FANCL: variants seen among roughly 807,000 people sequenced by gnomAD.
The protein encoded by FANCL is FA complementation group L.
A neutral mutation model predicts 59.4 loss-of-function variants in FANCL; 69 were observed. That is an observed-to-expected ratio of 1.16 (90% CI 0.96 to 1.42). The LOEUF is 1.42. Ranked by LOEUF, FANCL falls within the 40% of genes most tolerant of loss-of-function variation. The pLI, the probability that FANCL is intolerant of heterozygous loss-of-function variation, is 0.00. For synonymous variants in FANCL, 180 were observed against 147.1 expected (o/e 1.22, Z -1.62); for missense variants, 519 against 447.2 (o/e 1.16, Z -1.45).
intron 7 of FANCL, among the ~76,000 whole-genome samples, chr2:58,176,736 TA>T (rs762156045): frequency 6.6e-6 from 1 of 152,122 alleles, no homozygotes; most frequent in South Asian, 2.1e-4. Flanking sequence ...ACTTCATGTC[TA>T]AAACACCAAA....
At chr2:58,222,090 G>GA (rs751396703) in intron 4 of FANCL, 48 bp from the exon 5 acceptor site, 1 of 1,320,780 alleles carries the variant, frequency 7.6e-7, no homozygotes, top group South Asian at 1.2e-5. Flanking sequence ...GCAAGACAAT[G>GA]AACTGTTAAT....
At chr2:58,173,952 C>G (rs1400349557) in intron 7 of FANCL, among the ~76,000 whole-genome samples, 2 of 151,762 alleles carry the variant, frequency 1.3e-5, no homozygotes, top group African/African-American at 4.8e-5. Flanking sequence ...ATCTACCAAG[C>G]AAATGGAAAA....
chr2:58,171,558 C>T (rs960955460), intron 7 of FANCL, among the ~76,000 whole-genome samples: 8 of 152,078 alleles, frequency 5.3e-5, no homozygotes, highest in African/African-American at 1.9e-4. Context: ...ACACGAAAAA[C>T]CCTTCAAAAA....
intron 1 of FANCL, among the ~76,000 whole-genome samples, chr2:58,235,740 CAATT>C (rs988479851): frequency 4.6e-5 from 7 of 151,692 alleles, no homozygotes; most frequent in African/African-American, 1.7e-4. Context: ...AAAATTAAAA[CAATT>C]AAATTTCATA....
chr2:58,222,811 T>C (rs1231625853), intron 4 of FANCL, among the ~76,000 whole-genome samples: 1 of 152,044 alleles, frequency 6.6e-6, no homozygotes, highest in Non-Finnish European at 1.5e-5. Flanking sequence ...TAGATGTTCA[T>C]ATGGTCTGAA....
chr2:58,239,064 G>C (rs1281208917), intron 1 of FANCL, among the ~76,000 whole-genome samples: 1 of 152,086 alleles, frequency 6.6e-6, no homozygotes, highest in Non-Finnish European at 1.5e-5. Context: ...ATAATGAATT[G>C]CCACTTCATA....
At position 58,159,663 on chromosome 2, in the gene FANCL, G is replaced by A. The variant is rs560604367; in HGVS notation, c.*102C>T. The A allele has an allele frequency of 1.9e-6, 3 of 1,613,162 alleles. No individual in the cohort carries two copies. The highest frequency in any genetic ancestry group is 1.1e-5 in the South Asian group (1 of 90,948). On this transcript the variant is annotated 3_prime_UTR_variant, in exon 14 of 14. Coordinates refer to ENST00000233741, the MANE Select transcript of FANCL (RefSeq NM_018062.4). Reference sequence around the variant, plus strand: ...GCATCATCATACCTGTCCTTTTGATGTTAGTATTTCTTGCTTTATTTTTTC... The same window carrying A: ...GCATCATCATACCTGTCCTTTTGATATTAGTATTTCTTGCTTTATTTTTTC...
chr2:58,188,827 C>G (rs1408744371), intron 7 of FANCL, among the ~76,000 whole-genome samples: 1 of 151,140 alleles, frequency 6.6e-6, no homozygotes. Context: ...ATCTCTAGAT[C>G]AATTTGGAGA....
At chr2:58,194,926 C>CA (rs200645448) in intron 7 of FANCL, among the ~76,000 whole-genome samples, 63,579 of 145,964 alleles carry the variant, frequency 0.44, 17,445 homozygotes, top group African/African-American at 0.8. Context: ...TATTATATCA[C>CA]AAAAAAAAAA....
chr2:58,234,541 T>C (rs769151137), intron 1 of FANCL, among the ~76,000 whole-genome samples: 17 of 151,650 alleles, frequency 1.1e-4, no homozygotes, highest in Admixed American at 4.6e-4. Flanking sequence ...GTACATATAA[T>C]TGGAGATCTT....
Position 58,161,523 on chromosome 2 carries a change from T to C in FANCL, c.1019A>G (p.Glu340Gly). The C allele has an allele frequency of 6.4e-7, 1 of 1,566,768 alleles. No individual in the cohort carries two copies. ...GQPFHQICLY[E>G]WLRGLLTSRQ... ...CTTGACAATATTTTTATTTTTTACC[T>C]CATATAAGCATATTTGATGGAAAGG... is the stretch of plus-strand genomic sequence containing the variant. Residue 340 changes from glutamate to glycine, a missense_variant and splice_region_variant, in exon 12 of 14, where the codon GAG becomes GGG. Coordinates refer to ENST00000233741, the MANE Select transcript of FANCL (RefSeq NM_018062.4).
chr2:58,235,401 CAGA>C (rs1693921384), intron 1 of FANCL, among the ~76,000 whole-genome samples: 1 of 152,114 alleles, frequency 6.6e-6, no homozygotes, highest in Non-Finnish European at 1.5e-5. Flanking sequence ...ATAGAGTGCT[CAGA>C]AGGTGTTGCT....
chr2:58,218,422 G>A (rs1245477513), intron 5 of FANCL, among the ~76,000 whole-genome samples: 1 of 151,538 alleles, frequency 6.6e-6, no homozygotes, highest in Non-Finnish European at 1.5e-5. Context: ...AAATTAAAAA[G>A]GCACAAAAAA....
intron 7 of FANCL, among the ~76,000 whole-genome samples, chr2:58,186,192 T>C (rs1004643774): frequency 5.9e-5 from 9 of 152,196 alleles, no homozygotes; most frequent in Admixed American, 3.3e-4. Context: ...GTTATACTGC[T>C]TAGGAGGTCA....
At chr2:58,234,781 T>C (rs1381979953) in intron 1 of FANCL, among the ~76,000 whole-genome samples, 2 of 151,996 alleles carry the variant, frequency 1.3e-5, no homozygotes, top group African/African-American at 4.8e-5. Context: ...GAAACAGACT[T>C]CTTAAAGCAA....
At chr2:58,194,566 T>C (rs1317595529) in intron 7 of FANCL, among the ~76,000 whole-genome samples, 1 of 152,150 alleles carries the variant, frequency 6.6e-6, no homozygotes, top group South Asian at 2.1e-4. Context: ...CACTTTGTGC[T>C]TCTTTGGCAC....
intron 9 of FANCL, 70 bp from the exon 10 acceptor site, chr2:58,163,144 C>G: frequency 7.6e-7 from 1 of 1,319,052 alleles, no homozygotes; most frequent in Non-Finnish European, 1.1e-6. Context: ...ACATTTGATA[C>G]AGAATGTTTC....
At position 58,203,174 on chromosome 2, in the gene FANCL, T is replaced by C. The variant is rs183328744; in HGVS notation, c.471+956A>G. Among the ~76,000 whole-genome samples, 32 of 152,054 alleles carry C rather than the reference T, an allele frequency of 2.1e-4. 1 individual carries two copies. The East Asian group carries it at 3.7e-3, about 17-fold the overall frequency. On this transcript the variant is annotated intron_variant, in intron 6 of 13. Transcript: ENST00000233741. ...ACTTATCACATATGGATCTTAAAAT[T>C]AGACCTACATACATATTCTGTGTGT...
intron 7 of FANCL, among the ~76,000 whole-genome samples, chr2:58,167,417 C>G (rs1282945096): frequency 1.3e-5 from 2 of 152,162 alleles, no homozygotes; most frequent in Non-Finnish European, 2.9e-5. Context: ...TTTCTCCTTT[C>G]TCTGTCTGTT....
Sources: gnomAD v4.1 joint callset for allele counts (sites outside exome capture counted in the v4.1 genomes callset) on GRCh38, gnomAD v4.1.1 for gene constraint, MANE v1.5 for transcripts, NCBI Gene and HGNC (gene_info 2026-07-23, HGNC 2026-07-21) for gene names.